The following AFF1 variants were observed in gnomAD, a reference collection of about 807,000 sequenced individuals.
AFF1 encodes the protein ALF transcription elongation factor 1.
A neutral mutation model predicts 121.7 loss-of-function variants in AFF1; 48 were observed. The observed-to-expected ratio is 0.39, with a 90% CI of 0.31 to 0.50. The LOEUF (loss-of-function observed/expected upper bound fraction) is 0.50, where lower values mean the gene tolerates loss of function less well. Ranked by LOEUF, AFF1 falls within the 20% of genes least tolerant of loss-of-function variation. The pLI is 0.76. For synonymous variants in AFF1, 613 were observed against 563.0 expected (o/e 1.09, Z -1.26); for missense variants, 1,523 against 1,511.7 (o/e 1.01, Z -0.12).
intron 4 of AFF1, among the ~76,000 whole-genome samples, chr4:87,076,553 TTAATG>T (rs1479406876): frequency 1.3e-5 from 2 of 152,256 alleles, no homozygotes; most frequent in African/African-American, 4.8e-5. Context: ...GTTTTGCAAC[TTAATG>T]TAATAATACT....
chr4:86,947,906 G>A (rs577909581), intron 1 of AFF1, among the ~76,000 whole-genome samples: 11 of 151,668 alleles, frequency 7.3e-5, no homozygotes, highest in Admixed American at 2.0e-4. Context: ...TTTCTTAAGT[G>A]TTGCATTCTT....
chr4:87,130,302 T>C (rs1265273302), intron 16 of AFF1, among the ~76,000 whole-genome samples: 2 of 152,176 alleles, frequency 1.3e-5, no homozygotes, highest in Non-Finnish European at 2.9e-5. Context: ...TTTGAACATA[T>C]CAAATACAAA....
At chr4:86,958,091 C>CTTTTT (rs36035943) in intron 2 of AFF1, among the ~76,000 whole-genome samples, 3 of 107,106 alleles carry the variant, frequency 2.8e-5, no homozygotes, top group African/African-American at 1.1e-4. Context: ...TTTTTTTTTC[C>CTTTTT]TTTTTTTTTT....
rs2149810887 is a variant in AFF1 at position 87,137,469 on chromosome 4, C to T, written c.*1768C>T. The T allele has an allele frequency of 4.4e-6, 1 of 228,188 alleles. No homozygotes were observed. Among genetic ancestry groups the T allele is most frequent in the East Asian group, 6.2e-5 (1 of 16,034 alleles). 14.1% of individuals were successfully genotyped at this position (228,188 alleles called of 1,614,324 possible). A position where few individuals can be genotyped will look rare whatever the true frequency, so the allele number is the denominator to read the frequency against. On this transcript the variant is annotated 3_prime_UTR_variant, in exon 21 of 21. Transcript: ENST00000395146. ...TGAGGCTGTTCCTTCAGTTTCTTCT[C>T]CAGACTGTTCTTTGGTTGTCACTAA...
chr4:86,983,378 C>T (rs1027886868), intron 2 of AFF1, among the ~76,000 whole-genome samples: 8 of 151,786 alleles, frequency 5.3e-5, no homozygotes, highest in African/African-American at 1.9e-4. Flanking sequence ...AATATAAAAT[C>T]AGCCGGGCAT....
intron 4 of AFF1, among the ~76,000 whole-genome samples, chr4:87,051,123 A>G (rs971559931): frequency 6.6e-6 from 1 of 152,248 alleles, no homozygotes; most frequent in Non-Finnish European, 1.5e-5. Flanking sequence ...TTAAAGCTAA[A>G]GACAGCTCTT....
At chr4:87,006,707 A>G (rs1233405997) in intron 2 of AFF1, among the ~76,000 whole-genome samples, 2 of 152,188 alleles carry the variant, frequency 1.3e-5, no homozygotes, top group Non-Finnish European at 2.9e-5. Context: ...TGGAGTTCTG[A>G]GCGGCTGGGT....
chr4:87,025,869 A>G (rs1256840497), intron 2 of AFF1, among the ~76,000 whole-genome samples: 1 of 152,142 alleles, frequency 6.6e-6, no homozygotes, highest in African/African-American at 2.4e-5. Flanking sequence ...TGCTGGCCCC[A>G]GGTGTCAGTT....
At chr4:86,979,700 A>T (rs574581888) in intron 2 of AFF1, among the ~76,000 whole-genome samples, 1 of 152,362 alleles carries the variant, frequency 6.6e-6, no homozygotes, top group South Asian at 2.1e-4. Flanking sequence ...ACATTTAGCT[A>T]TCATATCTTG....
intron 2 of AFF1, among the ~76,000 whole-genome samples, chr4:87,006,514 G>A (rs1306340885): frequency 6.6e-6 from 1 of 152,168 alleles, no homozygotes; most frequent in African/African-American, 2.4e-5. Context: ...GGGCTGTTTT[G>A]TAAATATTTG....
intron 2 of AFF1, among the ~76,000 whole-genome samples, chr4:86,964,129 T>G (rs1207733327): frequency 3.2e-5 from 3 of 94,444 alleles, no homozygotes; most frequent in Non-Finnish European, 6.9e-5. Context: ...GTTCTTTTGG[T>G]TTTTTTTTTT....
chr4:86,991,016 G>A (rs1384077454), intron 2 of AFF1, among the ~76,000 whole-genome samples: 1 of 152,130 alleles, frequency 6.6e-6, no homozygotes, highest in Non-Finnish European at 1.5e-5. Flanking sequence ...GCTGGGCGTG[G>A]TGGCGGGCGC....
At chr4:87,028,240 TTG>T (rs1728723926) in intron 2 of AFF1, among the ~76,000 whole-genome samples, 1 of 152,118 alleles carries the variant, frequency 6.6e-6, no homozygotes, top group South Asian at 2.1e-4. Context: ...CTTATATAAG[TTG>T]TGGGAGAGTA....
intron 2 of AFF1, among the ~76,000 whole-genome samples, chr4:87,008,376 A>G (rs899585087): frequency 6.6e-6 from 1 of 152,218 alleles, no homozygotes; most frequent in Non-Finnish European, 1.5e-5. Flanking sequence ...TTTGGGCTGG[A>G]TGAGACAATG....
intron 12 of AFF1, among the ~76,000 whole-genome samples, chr4:87,121,287 T>C (rs923490503): frequency 2.6e-5 from 4 of 152,234 alleles, no homozygotes; most frequent in African/African-American, 9.6e-5. Flanking sequence ...AATGGCTTCT[T>C]GACCCAGAAA....
intron 2 of AFF1, among the ~76,000 whole-genome samples, chr4:86,955,417 T>G (rs1721667052): frequency 6.6e-6 from 1 of 152,236 alleles, no homozygotes; most frequent in Admixed American, 6.5e-5. Context: ...TTCTTTTTCC[T>G]TATTGAAAGA....
chr4:87,130,432 T>G (rs908660065), intron 16 of AFF1, among the ~76,000 whole-genome samples: 2 of 152,230 alleles, frequency 1.3e-5, no homozygotes, highest in South Asian at 4.1e-4. Context: ...CATATGCCAC[T>G]TAGAAGCGTG....
At chr4:86,992,444 A>G (rs1206280989) in intron 2 of AFF1, among the ~76,000 whole-genome samples, 1 of 152,238 alleles carries the variant, frequency 6.6e-6, no homozygotes, top group Admixed American at 6.5e-5. Context: ...GATTGTTACT[A>G]AGTGTCTCAA....
At position 87,136,170 on chromosome 4, in the gene AFF1, T is replaced by A. The variant is rs1303629939; in HGVS notation, c.*469T>A. On this transcript the variant is annotated 3_prime_UTR_variant, in exon 21 of 21. Transcript: ENST00000395146. ...AAAGGGTTTTGTGGATGATTTTTTT[T>A]CTTTTGAGTTTTGGGAGAAATATTT... 3 of 232,852 alleles carry A rather than the reference T, an allele frequency of 1.3e-5. No homozygotes were observed. In the South Asian group the frequency reaches 5.4e-4, roughly 42 times the overall value. The allele number at this position is 232,852 out of a possible 1,614,324, so 14.4% of individuals were successfully genotyped here.
Sources: allele counts gnomAD v4.1 joint callset (sites outside exome capture counted in the v4.1 genomes callset), GRCh38; gene constraint gnomAD v4.1.1; transcripts MANE v1.5; gene names NCBI Gene and HGNC (gene_info 2026-07-23, HGNC 2026-07-21).